The following CTNNA3 variants were observed in gnomAD, a reference collection of about 807,000 sequenced individuals.
CTNNA3 encodes catenin alpha 3.
A neutral mutation model predicts 95.7 loss-of-function variants in CTNNA3; 76 were observed. That is an observed-to-expected ratio of 0.79 (90% CI 0.66 to 0.96). CTNNA3 has a LOEUF of 0.96. Ranked by LOEUF, CTNNA3 falls within the 40% of genes least tolerant of loss-of-function variation. CTNNA3 has a pLI of 0.00. For synonymous variants in CTNNA3, 431 were observed against 374.4 expected, an observed-to-expected ratio of 1.15 and a Z score of -1.74; for missense variants, 1,191 against 1,089.8, an observed-to-expected ratio of 1.09 and a Z score of -1.31.
chr10:66,533,409 G>A (rs1841539294), intron 10 of CTNNA3, among the ~76,000 whole-genome samples: 2 of 152,142 alleles, frequency 1.3e-5, no homozygotes, highest in South Asian at 4.2e-4. Flanking sequence ...TCTAGGTCAG[G>A]TTCCTGGATT....
chr10:66,199,671 G>T (rs1270837923), intron 13 of CTNNA3, among the ~76,000 whole-genome samples: 3 of 146,700 alleles, frequency 2.0e-5, no homozygotes, highest in African/African-American at 7.6e-5. Context: ...GGGTGATCTC[G>T]GCTCACTGCA....
intron 7 of CTNNA3, among the ~76,000 whole-genome samples, chr10:66,870,328 G>T (rs954049379): frequency 6.6e-6 from 1 of 152,114 alleles, no homozygotes; most frequent in Non-Finnish European, 1.5e-5. Context: ...CGGATGTTTT[G>T]CTACGGCTAT....
intron 3 of CTNNA3, among the ~76,000 whole-genome samples, chr10:67,572,924 CA>C (rs1289750247): frequency 6.6e-6 from 1 of 151,894 alleles, no homozygotes; most frequent in East Asian, 1.9e-4. Flanking sequence ...CTTGTTTCTA[CA>C]AAAAGTATAA....
intron 15 of CTNNA3, among the ~76,000 whole-genome samples, chr10:65,998,493 C>G (rs56948777): frequency 0.26 from 40,039 of 152,044 alleles, 6,723 homozygotes; most frequent in African/African-American, 0.48. Flanking sequence ...CTGAATTTCT[C>G]GGTTTTAATT....
chr10:66,409,346 T>G (rs1287650128), intron 11 of CTNNA3, among the ~76,000 whole-genome samples: 5 of 152,106 alleles, frequency 3.3e-5, no homozygotes, highest in Admixed American at 1.3e-4. Flanking sequence ...GAATTTTCAC[T>G]TCACCTCATC....
At chr10:66,261,849 C>G (rs548589412) in intron 13 of CTNNA3, among the ~76,000 whole-genome samples, 1 of 152,012 alleles carries the variant, frequency 6.6e-6, no homozygotes, top group South Asian at 2.1e-4. Context: ...CTTCCTCTCC[C>G]CATCCTATGA....
chr10:66,352,667 C>T (rs2092575938), intron 12 of CTNNA3, among the ~76,000 whole-genome samples: 1 of 152,024 alleles, frequency 6.6e-6, no homozygotes, highest in African/African-American at 2.4e-5. Flanking sequence ...CAGAGACTCT[C>T]ACTTCTTAAG....
At position 66,776,924 on chromosome 10, in the gene CTNNA3, A is replaced by G. The variant is rs540920002; in HGVS notation, c.1048-1400T>C. On this transcript the variant is annotated intron_variant, in intron 7 of 17. Transcript: ENST00000433211. Reference sequence around the variant, plus strand: ...TAGTAACTTACATAGGACTTATCAAATAGAGTTGACTAGACTATAAATGAG... The same window carrying G: ...TAGTAACTTACATAGGACTTATCAAGTAGAGTTGACTAGACTATAAATGAG... Among the ~76,000 whole-genome samples, 7 of 152,272 alleles carry G rather than the reference A, an allele frequency of 4.6e-5. No individual in the cohort carries two copies. The East Asian group carries it at 9.7e-4, about 21-fold the overall frequency.
At chr10:66,494,098 G>T (rs1289077287) in intron 11 of CTNNA3, among the ~76,000 whole-genome samples, 1 of 150,672 alleles carries the variant, frequency 6.6e-6, no homozygotes, top group Middle Eastern at 3.5e-3. Flanking sequence ...AGTAGAAATG[G>T]GGTTTTGCCA....
chr10:67,067,068 C>T (rs759643498), intron 7 of CTNNA3, among the ~76,000 whole-genome samples: 14 of 152,032 alleles, frequency 9.2e-5, no homozygotes, highest in Admixed American at 3.3e-4. Flanking sequence ...AATGAAAATG[C>T]TTTGAGTATA....
chr10:67,558,508 C>T (rs1589423543), intron 3 of CTNNA3, among the ~76,000 whole-genome samples: 1 of 152,188 alleles, frequency 6.6e-6, no homozygotes, highest in East Asian at 1.9e-4. Flanking sequence ...CGGCTGGCAG[C>T]CAAGATGGCC....
At chr10:66,148,262 T>C (rs2084001338) in intron 13 of CTNNA3, among the ~76,000 whole-genome samples, 1 of 152,132 alleles carries the variant, frequency 6.6e-6, no homozygotes, top group African/African-American at 2.4e-5. Flanking sequence ...GTATTGCCTA[T>C]ATTTTTAGTT....
chr10:66,269,215 C>G (rs4565791), intron 13 of CTNNA3, among the ~76,000 whole-genome samples: 3,616 of 152,242 alleles, frequency 0.024, 77 homozygotes, highest in Non-Finnish European at 0.033. Context: ...ACATGACTTA[C>G]ATAGGGTTAC....
chr10:67,506,821 G>C (rs1482987742), intron 5 of CTNNA3, among the ~76,000 whole-genome samples: 1 of 152,162 alleles, frequency 6.6e-6, no homozygotes, highest in Non-Finnish European at 1.5e-5. Flanking sequence ...ATTTTTACTA[G>C]TTGTATAGTA....
chr10:66,613,261 C>T (rs776266018), intron 10 of CTNNA3, among the ~76,000 whole-genome samples: 3 of 152,072 alleles, frequency 2.0e-5, no homozygotes, highest in Admixed American at 6.6e-5. Flanking sequence ...TCTGTTTCTT[C>T]TGCCAGGACA....
intron 3 of CTNNA3, among the ~76,000 whole-genome samples, chr10:67,595,320 T>C (rs537295098): frequency 2.6e-5 from 4 of 152,338 alleles, no homozygotes; most frequent in African/African-American, 9.6e-5. Flanking sequence ...TCCCAGAGAT[T>C]CTGGTACATT....
intron 7 of CTNNA3, among the ~76,000 whole-genome samples, chr10:67,090,615 T>G (rs1746823984): frequency 6.6e-6 from 1 of 152,138 alleles, no homozygotes; most frequent in Non-Finnish European, 1.5e-5. Flanking sequence ...TTTTCTCAAC[T>G]GTTAGTCTTA....
At chr10:66,690,503 G>T (rs1847482793) in intron 9 of CTNNA3, among the ~76,000 whole-genome samples, 1 of 148,790 alleles carries the variant, frequency 6.7e-6, no homozygotes, top group Admixed American at 6.7e-5. Flanking sequence ...AGTCCCCAGA[G>T]TGTGATGTTC....
intron 10 of CTNNA3, among the ~76,000 whole-genome samples, chr10:66,554,552 T>C (rs1291621295): frequency 6.6e-6 from 1 of 152,206 alleles, no homozygotes; most frequent in Non-Finnish European, 1.5e-5. Flanking sequence ...CCTTTGTATC[T>C]TTGCATTTTT....
Sources: gnomAD v4.1 joint callset for allele counts (sites outside exome capture counted in the v4.1 genomes callset) on GRCh38, gnomAD v4.1.1 for gene constraint, MANE v1.5 for transcripts, NCBI Gene and HGNC (gene_info 2026-07-23, HGNC 2026-07-21) for gene names.